The following TLE2 variants were observed in gnomAD, a reference collection of about 807,000 sequenced individuals.
The protein encoded by TLE2 is TLE family member 2, transcriptional corepressor.
TLE2 carries 74 observed loss-of-function variants against 97.2 expected under a neutral mutation model. The observed-to-expected ratio is 0.76, with a 90% CI of 0.63 to 0.92. The LOEUF (loss-of-function observed/expected upper bound fraction) is 0.92. TLE2 is among the 40% of genes least tolerant of loss of function. The pLI, the probability that TLE2 is intolerant of heterozygous loss-of-function variation, is 0.00. For synonymous variants in TLE2, 499 were observed against 432.1 expected, an observed-to-expected ratio of 1.15 and a Z score of -1.92; for missense variants, 1,038 against 1,008.7, an observed-to-expected ratio of 1.03 and a Z score of -0.39.
At chr19:2,998,159 C>T (rs754327303) in intron 19 of TLE2, among the ~76,000 whole-genome samples, 5 of 151,992 alleles carry the variant, frequency 3.3e-5, no homozygotes, top group South Asian at 2.1e-4. Context: ...CAACCTCCAC[C>T]TCCCGGGTTC....
intron 8 of TLE2, among the ~76,000 whole-genome samples, chr19:3,016,633 T>C (rs1228727809): frequency 6.6e-6 from 1 of 151,496 alleles, no homozygotes; most frequent in African/African-American, 2.4e-5. Flanking sequence ...AAAAACTTAC[T>C]GACACAGCTC....
In TLE2 at chr19:3,013,700, G is replaced by A. The variant is rs545891940; in HGVS notation, c.842C>T (p.Ser281Leu). Residue 281 changes from serine (S) to leucine (L), a missense_variant, in exon 11 of 20, where the codon TCA (serine) becomes TTA (leucine). Coordinates refer to ENST00000262953, the MANE Select transcript of TLE2 (RefSeq NM_003260.5). ...SPASLASSLGSPLPRAKELIL... is the reference protein window; with the variant it reads ...SPASLASSLGLPLPRAKELIL... ...GAGCTCCTTGGCTCTAGGCAGCGGT[G>A]AGCCAAGGCTAGAGGCCAAGGAGGC... 4.0e-6 allele frequency: 6 copies of A among 1,487,462 alleles called. No homozygotes were observed. Among genetic ancestry groups the A allele is most frequent in the East Asian group, 5.3e-5 (2 of 37,484 alleles). The allele number at this position is 1,487,462 out of a possible 1,614,324, so 92.1% of individuals were successfully genotyped here.
chr19:3,008,006 CAGG>C (rs2145135237), intron 14 of TLE2, among the ~76,000 whole-genome samples: 1 of 152,252 alleles, frequency 6.6e-6, no homozygotes, highest in African/African-American at 2.4e-5. Context: ...CGCTTGAACC[CAGG>C]AGGTGGAGGT....
rs773795282 is a variant in TLE2, at chr19:3,005,706, G to A, written c.1748+15C>T. ...CCGGGGGCTTGCCCAAGGTCCCAGC[G>A]CACCTGCCACCCACCTGACCATAGT... On this transcript the variant is annotated intron_variant, in intron 16 of 19. Coordinates refer to ENST00000262953, the MANE Select transcript of TLE2 (RefSeq NM_003260.5). 1.4e-5 allele frequency: 23 copies of A among 1,610,348 alleles called. No homozygotes were observed. Among genetic ancestry groups the A allele is most frequent in the Non-Finnish European group, 1.8e-5 (21 of 1,177,244 alleles).
chr19:3,022,125 G>A lies in TLE2; in HGVS notation c.295-2352C>T, dbSNP rs1205481154. Among the ~76,000 whole-genome samples, 6 of 150,156 alleles carry A rather than the reference G, an allele frequency of 4.0e-5. No individual in the cohort carries two copies. The South Asian group carries it at 8.6e-4, about 21-fold the overall frequency. ...ATGCAGTGGCGTGATCTCGGTTCAC[G>A]CTAACCTCCGCCTCCCAGGTTCAAG... is the stretch of plus-strand genomic sequence containing the variant. On this transcript the variant is annotated intron_variant, in intron 5 of 19. Transcript: ENST00000262953.
chr19:3,027,010 CTGAGGTCTATCTCAGAACCT>C (rs567764057), intron 4 of TLE2, among the ~76,000 whole-genome samples: 1 of 150,202 alleles, frequency 6.7e-6, no homozygotes, highest in African/African-American at 2.4e-5. Flanking sequence ...TCTCAGAGCC[CTGAGGTCTATCTCAGAACCT>C]TGAGGTCTAT....
intron 7 of TLE2, 122 bp from the exon 8 acceptor site, chr19:3,017,981 A>T: frequency 1.3e-6 from 1 of 760,364 alleles, no homozygotes. Context: ...CCCCACTCAG[A>T]GTCTCTCTAC....
At chr19:3,035,612 GC>G (rs1223684601) in intron 1 of TLE2, among the ~76,000 whole-genome samples, 1 of 152,056 alleles carries the variant, frequency 6.6e-6, no homozygotes, top group Non-Finnish European at 1.5e-5. Context: ...CAGCCTGGCC[GC>G]CCCAGCTACT....
chr19:3,013,669 C>G lies in TLE2; in HGVS notation c.873G>C (p.Leu291=), dbSNP rs978186393. 7.2e-7 allele frequency: 1 copy of G among 1,379,396 alleles called. No individual in the cohort carries two copies. The highest frequency in any genetic ancestry group is 1.5e-5 in the African/African-American group (1 of 66,904). 85.4% of individuals were successfully genotyped at this position (1,379,396 alleles called of 1,614,324 possible). A position where few individuals can be genotyped will look rare whatever the true frequency, so the allele number is the denominator to read the frequency against. Residue 291 remains leucine (L), a splice_region_variant and synonymous_variant, in exon 11 of 20, where the codon CTG becomes CTC. Coordinates refer to ENST00000262953, the MANE Select transcript of TLE2 (RefSeq NM_003260.5). The part of the protein sequence containing the change: ...SPLPRAKELI[L]NDLPASTPAS... Reference sequence around the variant, plus strand: ...TTCAAGGCCCTCCCCTCCTCCTTACCAGGATGAGCTCCTTGGCTCTAGGCA... The same window carrying G: ...TTCAAGGCCCTCCCCTCCTCCTTACGAGGATGAGCTCCTTGGCTCTAGGCA...
At chr19:3,043,336 G>A (rs559034002) in intron 1 of TLE2, among the ~76,000 whole-genome samples, 8 of 146,804 alleles carry the variant, frequency 5.4e-5, no homozygotes, top group Non-Finnish European at 1.0e-4. Context: ...TTATAGGCGT[G>A]AGCCATGGCA....
chr19:3,028,722 G>C lies in TLE2; in HGVS notation c.106C>G (p.Gln36Glu). Residue 36 changes from glutamine to glutamate, a missense_variant, in exon 2 of 20, where the codon CAG (glutamine) becomes GAG (glutamate). Physicochemically the swap from Gln to Glu is conservative, Grantham distance 29 (BLOSUM62 2). Transcript: ENST00000262953. ...CCCCCTCACCTGTGGTATTGAGCCT[G>C]AAGAAACTGGAATTCTTCTTTGATG... ...DRIKEEFQFL[Q>E]AQYHSLKLEC... The C allele has an allele frequency of 1.2e-6, 2 of 1,612,954 alleles. No individual in the cohort carries two copies. Among genetic ancestry groups the C allele is most frequent in the Non-Finnish European group, 8.5e-7 (1 of 1,179,824 alleles).
At chr19:3,032,508 G>A (rs2090033087), upstream of TLE2, among the ~76,000 whole-genome samples, 1 of 152,134 alleles carries the variant, frequency 6.6e-6, no homozygotes, top group Non-Finnish European at 1.5e-5. The surrounding 1 kb of genome is among the most constrained non-coding windows in gnomAD (Gnocchi z 4.1). Flanking sequence ...AAAGTGCTGC[G>A]ATTACAGGCT....
intron 10 of TLE2, 30 bp downstream of exon 10, chr19:3,014,540 T>G: frequency 1.3e-6 from 2 of 1,549,896 alleles, no homozygotes; most frequent in South Asian, 2.4e-5. Flanking sequence ...GTGCCCAGAG[T>G]CGGGGAAGAG....
chr19:3,020,816 C>T lies in TLE2; in HGVS notation c.295-1043G>A, dbSNP rs1194344224. Among the ~76,000 whole-genome samples, 6 of 152,052 alleles carry T rather than the reference C, an allele frequency of 3.9e-5. No individual in the cohort carries two copies. In the East Asian group the frequency reaches 5.8e-4, roughly 15 times the overall value. The stretch of plus-strand genomic sequence containing the variant: ...AATGTTATATCTGAGCCGGGCGCGG[C>T]GGCTCATGCCTGTAATCACAGCACT... On this transcript the variant is annotated intron_variant, in intron 5 of 19. Transcript: ENST00000262953.
At chr19:3,037,212 G>T (rs555754795) in intron 1 of TLE2, among the ~76,000 whole-genome samples, 5 of 152,294 alleles carry the variant, frequency 3.3e-5, no homozygotes, top group Admixed American at 3.3e-4. Context: ...TTGAACCTGG[G>T]ATGCAGAGGT....
chr19:3,023,141 A>AC (rs995863009), intron 5 of TLE2, among the ~76,000 whole-genome samples: 3 of 146,044 alleles, frequency 2.1e-5, no homozygotes, highest in Admixed American at 7.0e-5. Flanking sequence ...TGCAACCTCC[A>AC]CCCCCCGGGT....
chr19:3,011,996 G>A (rs1392482130), intron 11 of TLE2, among the ~76,000 whole-genome samples: 3 of 151,794 alleles, frequency 2.0e-5, no homozygotes, highest in Non-Finnish European at 4.4e-5. Context: ...TGTAATCCCA[G>A]CACTTTAGGA....
upstream of TLE2, among the ~76,000 whole-genome samples, chr19:3,046,332 T>A (rs2090140677): frequency 6.6e-6 from 1 of 152,294 alleles, no homozygotes; most frequent in East Asian, 1.9e-4. Context: ...TGCAGACAAT[T>A]CAGCCAGCGC....
intron 8 of TLE2, among the ~76,000 whole-genome samples, chr19:3,017,318 A>G (rs565110400): frequency 1.3e-5 from 2 of 151,172 alleles, no homozygotes; most frequent in South Asian, 2.1e-4. Flanking sequence ...TTGAATTTTT[A>G]GTAGAGACAG....
Sources: gnomAD v4.1 joint callset for allele counts (sites outside exome capture counted in the v4.1 genomes callset) on GRCh38, gnomAD v4.1.1 for gene constraint, Gnocchi (gnomAD v3.1) non-coding constraint, MANE v1.5 for transcripts, NCBI Gene and HGNC (gene_info 2026-07-23, HGNC 2026-07-21) for gene names.